The following LINGO2 variants were observed in gnomAD, a reference collection of about 807,000 sequenced individuals.
LINGO2 encodes the protein leucine rich repeat and Ig domain containing 2.
Under a neutral mutation model 30.6 loss-of-function variants are expected in LINGO2, and 14 were observed. That is an observed-to-expected ratio of 0.46 (90% CI 0.30 to 0.72). The LOEUF (loss-of-function observed/expected upper bound fraction) is 0.72, where lower values mean the gene tolerates loss of function less well. LINGO2 is among the 30% of genes least tolerant of loss of function. The pLI is 0.07. For synonymous variants in LINGO2, 317 were observed against 288.5 expected (o/e 1.10, Z -1.00); for missense variants, 729 against 751.7 (o/e 0.97, Z 0.35).
chr9:28,812,072 A>T, the LINGO2 span, among the ~76,000 whole-genome samples: 16 of 147,236 alleles, frequency 1.1e-4, no homozygotes, highest in Admixed American at 4.1e-4. Context: ...TCTTGTGGCA[A>T]TTTTTTTTTT....
At chr9:29,115,046 T>C in the LINGO2 span, among the ~76,000 whole-genome samples, 1 of 152,124 alleles carries the variant, frequency 6.6e-6, no homozygotes, top group African/African-American at 2.4e-5. Context: ...TAATTAGACA[T>C]TTTTGTCTTT....
At chr9:28,675,960 T>A in the LINGO2 span, among the ~76,000 whole-genome samples, 10 of 148,448 alleles carry the variant, frequency 6.7e-5, no homozygotes, top group African/African-American at 2.5e-4. Context: ...CAGATATATA[T>A]GTATATATAC....
At chr9:28,742,877 T>C in the LINGO2 span, among the ~76,000 whole-genome samples, 2 of 151,978 alleles carry the variant, frequency 1.3e-5, no homozygotes, top group African/African-American at 4.8e-5. Context: ...ATTATACTTA[T>C]ATTTGTTATA....
chr9:28,184,181 A>C (rs550332053), intron 4 of LINGO2, among the ~76,000 whole-genome samples: 4 of 152,308 alleles, frequency 2.6e-5, no homozygotes, highest in Non-Finnish European at 4.4e-5. Context: ...GGGAGGTCTT[A>C]ATGGGAAAAG....
At chr9:28,923,800 T>C in the LINGO2 span, among the ~76,000 whole-genome samples, 1 of 152,190 alleles carries the variant, frequency 6.6e-6, no homozygotes, top group Non-Finnish European at 1.5e-5. Flanking sequence ...AGAGCTACTC[T>C]ATAAAATAGG....
At chr9:28,178,909 A>G (rs1292007328) in intron 4 of LINGO2, among the ~76,000 whole-genome samples, 1 of 152,070 alleles carries the variant, frequency 6.6e-6, no homozygotes, top group Non-Finnish European at 1.5e-5. Context: ...TACGCACTCC[A>G]TTTTCAATTT....
chr9:28,287,205 T>G (rs972484588), intron 4 of LINGO2, among the ~76,000 whole-genome samples: 7 of 152,172 alleles, frequency 4.6e-5, no homozygotes, highest in Non-Finnish European at 1.0e-4. Flanking sequence ...AATACATGAC[T>G]CAATCATACA....
intron 4 of LINGO2, among the ~76,000 whole-genome samples, chr9:28,076,253 T>C (rs1451662176): frequency 6.6e-6 from 1 of 152,170 alleles, no homozygotes; most frequent in Non-Finnish European, 1.5e-5. Context: ...GGTTGATCTT[T>C]TTGTTTCTCA....
At chr9:28,871,780 A>G in the LINGO2 span, among the ~76,000 whole-genome samples, 1 of 151,992 alleles carries the variant, frequency 6.6e-6, no homozygotes, top group South Asian at 2.1e-4. Flanking sequence ...TGATGCATTA[A>G]CTGGGTGAAC....
chr9:28,347,087 T>A (rs1015553275), intron 3 of LINGO2, among the ~76,000 whole-genome samples: 1 of 152,168 alleles, frequency 6.6e-6, no homozygotes, highest in Admixed American at 6.5e-5. Flanking sequence ...ATACAAAATA[T>A]GTTTTATATT....
At chr9:29,106,126 G>C in the LINGO2 span, among the ~76,000 whole-genome samples, 1 of 152,086 alleles carries the variant, frequency 6.6e-6, no homozygotes, top group African/African-American at 2.4e-5. Context: ...AACTAATACA[G>C]GAAGGGATCA....
the LINGO2 span, among the ~76,000 whole-genome samples, chr9:28,887,898 A>G: frequency 6.6e-6 from 1 of 152,154 alleles, no homozygotes; most frequent in Non-Finnish European, 1.5e-5. Context: ...TAATTTGCAA[A>G]AAATTTAAAG....
the LINGO2 span, among the ~76,000 whole-genome samples, chr9:29,188,008 CAG>C: frequency 0.048 from 6,442 of 134,596 alleles, 196 homozygotes; most frequent in Admixed American, 0.07. Context: ...TATTTTTTGA[CAG>C]AGTCTTTTTT....
At chr9:28,556,342 T>G (rs1184735517) in intron 1 of LINGO2, among the ~76,000 whole-genome samples, 2 of 150,684 alleles carry the variant, frequency 1.3e-5, no homozygotes, top group Non-Finnish European at 2.9e-5. Context: ...AGCATTCTTA[T>G]ACACCAACAA....
At chr9:28,568,628 C>T (rs1322403920) in intron 1 of LINGO2, among the ~76,000 whole-genome samples, 1 of 151,704 alleles carries the variant, frequency 6.6e-6, no homozygotes, top group African/African-American at 2.4e-5. Flanking sequence ...AGAAACATGC[C>T]ATAAAATTAT....
At chr9:29,089,643 T>G in the LINGO2 span, among the ~76,000 whole-genome samples, 1 of 152,086 alleles carries the variant, frequency 6.6e-6, no homozygotes, top group Admixed American at 6.6e-5. Flanking sequence ...CTTACTGCAA[T>G]TTTATAACAC....
the LINGO2 span, among the ~76,000 whole-genome samples, chr9:28,689,441 C>T: frequency 6.6e-6 from 1 of 151,048 alleles, no homozygotes; most frequent in Non-Finnish European, 1.5e-5. Flanking sequence ...ATGCTGCTAA[C>T]AAACATGAAA....
the LINGO2 span, among the ~76,000 whole-genome samples, chr9:28,870,278 T>C: frequency 6.6e-6 from 1 of 152,060 alleles, no homozygotes; most frequent in Non-Finnish European, 1.5e-5. Context: ...AACATTATTT[T>C]TTTCCATTCC....
the LINGO2 span, among the ~76,000 whole-genome samples, chr9:29,005,459 T>C: frequency 1.3e-5 from 2 of 152,154 alleles, no homozygotes; most frequent in Middle Eastern, 3.4e-3. Flanking sequence ...AACTGCCTTA[T>C]ACAAAGTGGT....
Sources: allele counts gnomAD v4.1 joint callset (sites outside exome capture counted in the v4.1 genomes callset), GRCh38; gene constraint gnomAD v4.1.1; transcripts MANE v1.5; gene names NCBI Gene and HGNC (gene_info 2026-07-23, HGNC 2026-07-21).